DRAM1: variants seen among roughly 807,000 people sequenced by gnomAD.
DRAM1 encodes the protein DNA damage-regulated autophagy modulator protein 1.
DRAM1 carries 25 observed loss-of-function variants against 28.5 expected under a neutral mutation model. The observed-to-expected ratio is 0.88, with a 90% CI of 0.64 to 1.23. The LOEUF (loss-of-function observed/expected upper bound fraction) is 1.23, where lower values mean the gene tolerates loss of function less well. DRAM1 is among the 50% of genes most tolerant of loss of function. DRAM1 has a pLI of 0.00. For missense variants in DRAM1, 249 were observed against 299.2 expected, an observed-to-expected ratio of 0.83 and a Z score of 1.24; for synonymous variants, 113 against 114.2, an observed-to-expected ratio of 0.99 and a Z score of 0.07.
chr12:101,889,224 A>G (rs901647369), intron 1 of DRAM1, among the ~76,000 whole-genome samples: 1 of 152,222 alleles, frequency 6.6e-6, no homozygotes, highest in Non-Finnish European at 1.5e-5. Flanking sequence ...TGGCTCCAGA[A>G]GAAATAGCTG....
chr12:101,921,561 G>T lies in DRAM1; in HGVS notation c.*301G>T, dbSNP rs751603845. On this transcript the variant is annotated 3_prime_UTR_variant, in exon 7 of 7. Coordinates refer to ENST00000258534, the MANE Select transcript of DRAM1 (RefSeq NM_018370.3). ...CAAAAAATGGAGAGCTCTTATTTTTGTACAGATTCTGTCGTTTTTGTTTTA... is the reference window on the plus strand; with the variant it reads ...CAAAAAATGGAGAGCTCTTATTTTTTTACAGATTCTGTCGTTTTTGTTTTA... The T allele has an allele frequency of 4.4e-6, 1 of 227,078 alleles. No homozygotes were observed. Among genetic ancestry groups the T allele is most frequent in the Non-Finnish European group, 8.4e-6 (1 of 118,774 alleles). The allele number at this position is 227,078 out of a possible 1,614,324, so 14.1% of individuals were successfully genotyped here.
At chr12:101,904,519 A>ACAAGCT (rs1227696496) in intron 3 of DRAM1, among the ~76,000 whole-genome samples, 1 of 131,790 alleles carries the variant, frequency 7.6e-6, no homozygotes, top group Non-Finnish European at 1.5e-5. Context: ...TCGGCTCACT[A>ACAAGCT]CAAGCTCTGC....
intron 3 of DRAM1, among the ~76,000 whole-genome samples, chr12:101,905,930 C>T (rs1219981476): frequency 2.0e-5 from 3 of 152,160 alleles, no homozygotes; most frequent in African/African-American, 4.8e-5. Context: ...GCTGGGATTA[C>T]AGGCACGCGC....
intron 4 of DRAM1, among the ~76,000 whole-genome samples, chr12:101,909,073 C>G (rs1051504877): frequency 6.6e-6 from 1 of 151,820 alleles, no homozygotes; most frequent in Non-Finnish European, 1.5e-5. Context: ...ACCAGCCTGA[C>G]CAACATGGAG....
intron 1 of DRAM1, among the ~76,000 whole-genome samples, chr12:101,889,890 A>T (rs1342297506): frequency 6.9e-6 from 1 of 144,364 alleles, no homozygotes. Flanking sequence ...CAGTGAGCCG[A>T]GATCGTGCCA....
chr12:101,897,554 A>T (rs1873432810), intron 1 of DRAM1, among the ~76,000 whole-genome samples: 1 of 151,426 alleles, frequency 6.6e-6, no homozygotes, highest in Non-Finnish European at 1.5e-5. Context: ...TTTTCAAAGT[A>T]GTCATTCTTC....
intron 1 of DRAM1, among the ~76,000 whole-genome samples, chr12:101,878,829 T>C (rs910282312): frequency 1.3e-5 from 2 of 152,166 alleles, no homozygotes; most frequent in Non-Finnish European, 2.9e-5. Context: ...ACTGCTATGA[T>C]AGAAAATGTA....
intron 1 of DRAM1, 141 bp from the exon 2 acceptor site, chr12:101,897,722 C>T (rs1873439014): frequency 1.6e-6 from 1 of 643,840 alleles, no homozygotes; most frequent in South Asian, 1.9e-5. Context: ...TACTTTAGAA[C>T]AAAATCAGGC....
chr12:101,897,942 A>G lies in DRAM1; in HGVS notation c.199+12A>G. ...CTCTGCATTTCTTGGTAAGTACACA[A>G]TAATTATTATAAATAATTGAAAAGC... On this transcript the variant is annotated intron_variant, in intron 2 of 6. Transcript: ENST00000258534. 1 of 1,451,844 alleles carries G rather than the reference A, an allele frequency of 6.9e-7. No individual in the cohort carries two copies. Among genetic ancestry groups the G allele is most frequent in the Non-Finnish European group, 9.6e-7 (1 of 1,042,658 alleles). 89.9% of individuals were successfully genotyped at this position (1,451,844 alleles called of 1,614,324 possible). A position where few individuals can be genotyped will look rare whatever the true frequency, so the allele number is the denominator to read the frequency against.
At chr12:101,919,401 C>G (rs1166250866) in intron 5 of DRAM1, among the ~76,000 whole-genome samples, 1 of 152,100 alleles carries the variant, frequency 6.6e-6, no homozygotes, top group African/African-American at 2.4e-5. Flanking sequence ...ACTTCCCTCT[C>G]TTTTCACAAC....
intron 4 of DRAM1, among the ~76,000 whole-genome samples, chr12:101,912,436 TG>T (rs1409044058): frequency 1.3e-5 from 2 of 152,178 alleles, no homozygotes; most frequent in Admixed American, 6.5e-5. Context: ...AACAAAGTTG[TG>T]ATATTTCTGA....
intron 1 of DRAM1, among the ~76,000 whole-genome samples, chr12:101,895,186 G>GTTTTTTTTTTTTTGTTTT (rs1873301157): frequency 1.3e-5 from 1 of 75,720 alleles, no homozygotes; most frequent in Non-Finnish European, 2.3e-5. Flanking sequence ...AACCCTTCAG[G>GTTTTTTTTTTTTTGTTTT]TTTTTTTTTT....
chr12:101,884,344 T>C (rs1480396168), intron 1 of DRAM1, among the ~76,000 whole-genome samples: 4 of 116,356 alleles, frequency 3.4e-5, no homozygotes, highest in Non-Finnish European at 6.4e-5. Flanking sequence ...CACTCCAGCT[T>C]GGGTGACAGA....
intron 1 of DRAM1, among the ~76,000 whole-genome samples, chr12:101,892,016 G>T (rs1873145746): frequency 3.9e-5 from 6 of 152,026 alleles, no homozygotes. Flanking sequence ...AATAAAAAGA[G>T]GTTACCCACA....
intron 3 of DRAM1, among the ~76,000 whole-genome samples, chr12:101,906,886 AAAG>A (rs58881529): frequency 0.056 from 8,324 of 149,024 alleles, 641 homozygotes; most frequent in African/African-American, 0.16. Flanking sequence ...AAAGAAAAGA[AAAG>A]AAGGGAGCCA....
intron 1 of DRAM1, among the ~76,000 whole-genome samples, chr12:101,880,893 AG>A (rs780537908): frequency 1.6e-4 from 25 of 152,286 alleles, no homozygotes; most frequent in Non-Finnish European, 2.9e-4. Flanking sequence ...CAGGAGAAAA[AG>A]GCATGCCCCC....
chr12:101,881,973 C>T (rs1872700636), intron 1 of DRAM1, among the ~76,000 whole-genome samples: 2 of 152,166 alleles, frequency 1.3e-5, no homozygotes, highest in South Asian at 2.1e-4. Flanking sequence ...TCACTCTTTA[C>T]CCCAGGACAG....
At chr12:101,902,928 C>G (rs200991394) in intron 3 of DRAM1, among the ~76,000 whole-genome samples, 2 of 133,862 alleles carry the variant, frequency 1.5e-5, no homozygotes. Context: ...TTTTTTTTTT[C>G]TTTTTTTGTA....
rs777525199 is a variant in DRAM1, at chr12:101,908,299, C to T, written c.456C>T (p.Asn152=). The change falls in exon 4 of 7, where the codon AAC becomes AAT. Residue 152 remains asparagine (N), a synonymous_variant. Transcript: ENST00000258534. Reference sequence around the variant, plus strand: ...CTTACAAATCATGTCCCCAGTGGAACAGTCTCTCGACATGCCACATACGGA... The same window carrying T: ...CTTACAAATCATGTCCCCAGTGGAATAGTCTCTCGACATGCCACATACGGA... ...IISYKSCPQW[N]SLSTCHIRMV... The T allele has an allele frequency of 1.6e-5, 26 of 1,614,172 alleles. No individual in the cohort carries two copies. Among genetic ancestry groups the T allele is most frequent in the Non-Finnish European group, 2.1e-5 (25 of 1,180,022 alleles).
Sources: gnomAD v4.1 joint callset for allele counts (sites outside exome capture counted in the v4.1 genomes callset) on GRCh38, gnomAD v4.1.1 for gene constraint, MANE v1.5 for transcripts, NCBI Gene and HGNC (gene_info 2026-07-23, HGNC 2026-07-21) for gene names.